TTN: variants seen among roughly 807,000 people sequenced by gnomAD.
The protein encoded by TTN is connectin.
A neutral mutation model predicts 3,223.0 loss-of-function variants in TTN; 1,525 were observed. That is an observed-to-expected ratio of 0.47 (90% CI 0.45 to 0.49). The LOEUF (loss-of-function observed/expected upper bound fraction) is 0.49. TTN is among the 20% of genes least tolerant of loss of function. The pLI is 0.00. For synonymous variants in TTN, 14,094 were observed against 15,161.0 expected (o/e 0.93, Z 5.17); for missense variants, 40,786 against 43,424.0 (o/e 0.94, Z 5.40).
chr2:178,558,824 C>T, intron 326 of TTN, 187 bp from the exon 327 acceptor site: 1 of 574,734 alleles, frequency 1.7e-6, no homozygotes, highest in Non-Finnish European at 2.9e-6. Context: ...TATGTCATTA[C>T]ATGCTATAGC....
rs749774302 is a variant in TTN, at chr2:178,527,211, G to C, written c.107777C>G (p.Pro35926Arg). ...TCCACCACAGGACCATGTTACTTCT[G>C]GGGTAGGCTCACCCGTGAAAGCACA... ...VACAFTGEPT[P>R]EVTWSCGGRK... is the part of the protein sequence containing the mutation. The change falls in exon 363 of 363, where the codon CCA becomes CGA. Residue 35926 changes from proline to arginine, a missense_variant. Pro to Arg is a moderately radical substitution (Grantham distance 103). Coordinates refer to ENST00000589042, the MANE Select transcript of TTN (RefSeq NM_001267550.2). The C allele has an allele frequency of 6.2e-7, 1 of 1,613,884 alleles. No individual in the cohort carries two copies. The highest frequency in any genetic ancestry group is 8.5e-7 in the Non-Finnish European group (1 of 1,179,840).
chr2:178,591,956 G>C lies in TTN; in HGVS notation c.59926+22C>G, dbSNP rs764382496. 3.7e-6 allele frequency: 6 copies of C among 1,607,778 alleles called. No individual in the cohort carries two copies. The South Asian group carries it at 5.6e-5, about 15-fold the overall frequency. On this transcript the variant is annotated intron_variant, in intron 302 of 362. Coordinates refer to ENST00000589042, the MANE Select transcript of TTN (RefSeq NM_001267550.2). ...TTAAAGACAGTCAAACAATAGTTTTGTATTCAGAGAAAGCAACTTACGGAG... is the reference window on the plus strand; with the variant it reads ...TTAAAGACAGTCAAACAATAGTTTTCTATTCAGAGAAAGCAACTTACGGAG...
chr2:178,692,309 G>A (rs953805353), intron 120 of TTN, among the ~76,000 whole-genome samples, 188 bp downstream of exon 120: 7 of 152,034 alleles, frequency 4.6e-5, no homozygotes, highest in African/African-American at 7.2e-5. Context: ...CCCAGTTAGC[G>A]TGATCTGGAG....
At chr2:178,724,792 T>C in intron 71 of TTN, 1 of 331,218 alleles carries the variant, frequency 3.0e-6, no homozygotes, top group Non-Finnish European at 5.4e-6. Context: ...TATGTAGCAA[T>C]TATTCTTAAG....
chr2:178,540,238 T>C lies in TTN; in HGVS notation c.97928A>G (p.Asp32643Gly). Residue 32643 changes from aspartate to glycine, a missense_variant, in exon 351 of 363, where the codon GAT becomes GGT. By Grantham distance (94) the Asp-to-Gly change is moderately conservative (BLOSUM62 -1). Coordinates refer to ENST00000589042, the MANE Select transcript of TTN (RefSeq NM_001267550.2). ...GTTACACTTGGTCCATTCATGTTGA[T>C]CTACTTTTTGCATTTCAATCAAGTA... The part of the protein sequence containing the change: ...TGYLIEMQKV[D>G]QHEWTKCNTT... 1 of 1,613,782 alleles carries C rather than the reference T, an allele frequency of 6.2e-7. No individual in the cohort carries two copies.
intron 167 of TTN, 42 bp from the exon 168 acceptor site, chr2:178,664,579 A>G (rs780974830): frequency 1.9e-6 from 3 of 1,605,064 alleles, no homozygotes; most frequent in Non-Finnish European, 2.6e-6. Flanking sequence ...AGTTACAAGA[A>G]TCAACACAAT....
Position 178,771,485 on chromosome 2 carries a change from G to A in TTN, c.7856-14C>T, listed in dbSNP as rs532032728. 1.2e-6 allele frequency: 2 copies of A among 1,613,838 alleles called. No individual in the cohort carries two copies. Among genetic ancestry groups the A allele is most frequent in the East Asian group, 2.2e-5 (1 of 44,870 alleles). Reference sequence around the variant, plus strand: ...AGATGGCCCCACCTTTGGAACAAGAGATGTACAGTATGAGTCCTTTAAACA... The same window carrying A: ...AGATGGCCCCACCTTTGGAACAAGAAATGTACAGTATGAGTCCTTTAAACA... On this transcript the variant is annotated splice_polypyrimidine_tract_variant and intron_variant, in intron 33 of 362. Transcript: ENST00000589042.
chr2:178,546,524 A>T (rs763506069), intron 341 of TTN, 22 bp from the exon 342 acceptor site: 1 of 1,602,584 alleles, frequency 6.2e-7, no homozygotes, highest in Non-Finnish European at 8.5e-7. Context: ...CAAAACAGAT[A>T]TGAATGAATA....
rs185090398 is a variant in TTN at position 178,612,724 on chromosome 2, G to A, written c.49948+49C>T. Reference sequence around the variant, plus strand: ...ATATTTTCTCATATCGTAGCTCACAGGCAGATATTAGAAGAATTTATATAT... The same window carrying A: ...ATATTTTCTCATATCGTAGCTCACAAGCAGATATTAGAAGAATTTATATAT... On this transcript the variant is annotated intron_variant, in intron 265 of 362. Transcript: ENST00000589042. 1,478 of 1,566,962 alleles carry A rather than the reference G, an allele frequency of 9.4e-4. 4 individuals carry two copies. Among genetic ancestry groups the A allele is most frequent in the Middle Eastern group, 5.3e-3 (31 of 5,896 alleles).
chr2:178,614,991 G>A lies in TTN; in HGVS notation c.48639-23C>T, dbSNP rs186844098. The stretch of plus-strand genomic sequence containing the variant: ...ATTCTGTCAGAAAACAGAATAGGAT[G>A]TTTTACTGTGATGTCGATAATCGTT... On this transcript the variant is annotated intron_variant, in intron 259 of 362. Coordinates refer to ENST00000589042, the MANE Select transcript of TTN (RefSeq NM_001267550.2). 2.9e-5 allele frequency: 45 copies of A among 1,568,022 alleles called. No individual in the cohort carries two copies. The Admixed American group carries it at 7.5e-4, about 26-fold the overall frequency.
At chr2:178,596,095 A>G (rs1400779819) in intron 294 of TTN, among the ~76,000 whole-genome samples, 1 of 151,320 alleles carries the variant, frequency 6.6e-6, no homozygotes, top group East Asian at 2.0e-4. Context: ...GGTTCAAGCA[A>G]TTCTCCTGCC....
Position 178,685,285 on chromosome 2 carries a change from G to C in TTN, c.32438C>G (p.Pro10813Arg). 1 of 1,552,558 alleles carries C rather than the reference G, an allele frequency of 6.4e-7. No homozygotes were observed. The highest frequency in any genetic ancestry group is 8.7e-7 in the Non-Finnish European group (1 of 1,147,718). Residue 10813 changes from proline (P) to arginine (R), a missense_variant, in exon 129 of 363, where the codon CCT (proline) becomes CGT (arginine). By Grantham distance (103) the Pro-to-Arg change is moderately radical. Transcript: ENST00000589042. ...EKKIVLKPKI[P>R]AKIEEPPPAK... is the part of the protein sequence containing the mutation. ...CGGTGGAGGCTCCTCTATTTTAGCAGGAATTTTTGGTTTCAGTACAATTTT... is the reference window on the plus strand; with the variant it reads ...CGGTGGAGGCTCCTCTATTTTAGCACGAATTTTTGGTTTCAGTACAATTTT...
At chr2:178,591,527 T>A (rs926036005) in intron 303 of TTN, 23 bp from the exon 304 acceptor site, 1 of 1,582,092 alleles carries the variant, frequency 6.3e-7, no homozygotes. Flanking sequence ...CATGAAAAAA[T>A]TAGATTTTGA....
intron 47 of TTN, among the ~76,000 whole-genome samples, chr2:178,743,926 A>G (rs2082957758): frequency 6.6e-6 from 1 of 151,948 alleles, no homozygotes; most frequent in African/African-American, 2.4e-5. Context: ...TGGCTCAAAC[A>G]GATAATTCAA....
At chr2:178,640,231 T>C (rs1009177571) in intron 221 of TTN, 121 bp from the exon 222 acceptor site, 1 of 851,638 alleles carries the variant, frequency 1.2e-6, no homozygotes. Flanking sequence ...CATATAATTA[T>C]CAAATCAAGT....
rs577041683 is a variant in TTN at position 178,612,314 on chromosome 2, G to C, written c.50211C>G (p.Thr16737=). 2 of 1,612,500 alleles carry C rather than the reference G, an allele frequency of 1.2e-6. No individual in the cohort carries two copies. The highest frequency in any genetic ancestry group is 2.2e-5 in the South Asian group (2 of 91,014). Residue 16737 remains threonine (T), a synonymous_variant, in exon 266 of 363, where the codon ACC becomes ACG. Coordinates refer to ENST00000589042, the MANE Select transcript of TTN (RefSeq NM_001267550.2). ...TGGCCAGCACAGAGTCCTCAATTTC[G>C]GTGTAGTCGCTTTGTCCTATAGCAT... is the stretch of plus-strand genomic sequence containing the variant. ...AENAIGQSDY[T]EIEDSVLAKD... is the part of the protein sequence containing the mutation.
Position 178,671,086 on chromosome 2 carries a change from A to T in TTN, c.35308+4T>A, listed in dbSNP as rs760534646. The T allele has an allele frequency of 1.3e-6, 2 of 1,598,870 alleles. No individual in the cohort carries two copies. The highest frequency in any genetic ancestry group is 3.5e-5 in the Admixed American group (2 of 57,056). ...TAAGTAGTAATTTTTCACAAAGAAGATACCTTTAGCTGGTGGCTCTTTTCG... is the reference window on the plus strand; with the variant it reads ...TAAGTAGTAATTTTTCACAAAGAAGTTACCTTTAGCTGGTGGCTCTTTTCG... On this transcript the variant is annotated splice_donor_region_variant and intron_variant, in intron 156 of 362. Coordinates refer to ENST00000589042, the MANE Select transcript of TTN (RefSeq NM_001267550.2).
In TTN at chr2:178,685,236, T is replaced by C; in HGVS notation, c.32470+17A>G. 1 of 1,525,040 alleles carries C rather than the reference T, an allele frequency of 6.6e-7. No homozygotes were observed. The highest frequency in any genetic ancestry group is 1.3e-5 in the South Asian group (1 of 78,392). The allele number at this position is 1,525,040 out of a possible 1,614,324, so 94.5% of individuals were successfully genotyped here. A position where few individuals can be genotyped will look rare whatever the true frequency, so the allele number is the denominator to read the frequency against. Reference sequence around the variant, plus strand: ...ATTAAAATAAATAGTGTTGCATTTCTTTGAAAGAAATCATACCTTTAGCCG... The same window carrying C: ...ATTAAAATAAATAGTGTTGCATTTCCTTGAAAGAAATCATACCTTTAGCCG... On this transcript the variant is annotated intron_variant, in intron 129 of 362. Transcript: ENST00000589042.
chr2:178,806,145 A>T (rs2094308723), intron 1 of TTN, among the ~76,000 whole-genome samples: 1 of 152,214 alleles, frequency 6.6e-6, no homozygotes, highest in Non-Finnish European at 1.5e-5. Context: ...GCATTCTCTG[A>T]GACAATAAAA....
Sources: allele counts gnomAD v4.1 joint callset (sites outside exome capture counted in the v4.1 genomes callset), GRCh38; gene constraint gnomAD v4.1.1; transcripts MANE v1.5; gene names NCBI Gene and HGNC (gene_info 2026-07-23, HGNC 2026-07-21).